Variants in TMC3 observed in about 807,000 individuals in gnomAD.
TMC3 encodes the protein transmembrane channel like 3, also known as transmembrane channel-like protein 3.
A neutral mutation model predicts 110.6 loss-of-function variants in TMC3; 98 were observed. The ratio of observed to expected loss-of-function variants is 0.89; its 90% CI spans 0.75 to 1.05. The LOEUF (loss-of-function observed/expected upper bound fraction) is 1.05. TMC3 is among the 50% of genes least tolerant of loss of function. The pLI, the probability that TMC3 is intolerant of heterozygous loss-of-function variation, is 0.00. For synonymous variants in TMC3, 489 were observed against 513.1 expected (o/e 0.95, Z 0.63); for missense variants, 1,319 against 1,373.2 (o/e 0.96, Z 0.62).
intron 12 of TMC3, 42 bp from the exon 13 acceptor site, chr15:81,345,053 A>G: frequency 1.9e-6 from 3 of 1,544,748 alleles, no homozygotes; most frequent in Non-Finnish European, 2.6e-6. Context: ...CAGGGGAGAA[A>G]GGAAAATGGC....
intron 1 of TMC3, 109 bp downstream of exon 1, chr15:81,373,880 G>A (rs1596101425): frequency 9.7e-7 from 1 of 1,034,420 alleles, no homozygotes; most frequent in East Asian, 2.7e-5. Context: ...AGTTCATTCT[G>A]AAGGACAACT....
At chr15:81,361,709 T>G (rs1226516398) in intron 4 of TMC3, among the ~76,000 whole-genome samples, 1 of 152,230 alleles carries the variant, frequency 6.6e-6, no homozygotes, top group Non-Finnish European at 1.5e-5. Flanking sequence ...ACAAGACTTT[T>G]CTATCCTGTG....
chr15:81,369,349 G>A (rs781236703), intron 2 of TMC3, among the ~76,000 whole-genome samples: 28 of 151,788 alleles, frequency 1.8e-4, no homozygotes, highest in Admixed American at 7.2e-4. Context: ...CCATTGCAAC[G>A]TCTCCATCTT....
intron 2 of TMC3, among the ~76,000 whole-genome samples, chr15:81,370,587 C>T (rs1332931211): frequency 6.6e-6 from 1 of 152,068 alleles, no homozygotes; most frequent in Non-Finnish European, 1.5e-5. Flanking sequence ...GCTGTCCCCT[C>T]AAAGTTAAAG....
At chr15:81,358,582 T>C in intron 5 of TMC3, 82 bp from the exon 6 acceptor site, 1 of 1,125,820 alleles carries the variant, frequency 8.9e-7, no homozygotes, top group Middle Eastern at 2.1e-4. Context: ...CTCCATGTGC[T>C]TGTGAAAATG....
chr15:81,346,420 T>G lies in TMC3; in HGVS notation c.1217A>C (p.Asn406Thr), dbSNP rs766646323. 5 of 1,613,472 alleles carry G rather than the reference T, an allele frequency of 3.1e-6. No individual in the cohort carries two copies. In the Admixed American group the frequency reaches 6.7e-5, roughly 22 times the overall value. Residue 406 changes from asparagine (N) to threonine (T), a missense_variant, in exon 12 of 22, where the codon AAT (asparagine) becomes ACT (threonine). Transcript: ENST00000359440. ...GAGAGCAATGATCAGGCTGTAGAGA[T>G]TTCCCAAATACAGCACAAGGACCCT... ...LARVLVLYLG[N>T]LYSLIIALLD...
At chr15:81,345,901 C>A (rs750965887) in intron 12 of TMC3, among the ~76,000 whole-genome samples, 36 of 151,870 alleles carry the variant, frequency 2.4e-4, no homozygotes, top group Non-Finnish European at 4.4e-4. Context: ...AAAAGGTGGA[C>A]ACCAAAGCTA....
chr15:81,337,577 G>C, intron 19 of TMC3: 1 of 548,212 alleles, frequency 1.8e-6, no homozygotes, highest in Non-Finnish European at 3.3e-6. Flanking sequence ...TGGTCACAGG[G>C]TGGGCACTGA....
rs536477892 is a variant in TMC3 at position 81,337,892 on chromosome 15, C to T, written c.2114G>A (p.Arg705Gln). ...CTGGTGGTTGCTGAGCTTTAGAGAC[C>T]GTGCGATGCTCTGGAGATAATAGAT... ...MLIYYLQSIARSLKLSNHQLK... is the reference protein window; with the variant it reads ...MLIYYLQSIAQSLKLSNHQLK... Residue 705 changes from arginine to glutamine, a missense_variant, in exon 19 of 22, where the codon CGG becomes CAG. Physicochemically the swap from Arg to Gln is conservative, Grantham distance 43 (BLOSUM62 1). Transcript: ENST00000359440. 3.0e-5 allele frequency: 48 copies of T among 1,613,858 alleles called. 1 individual carries two copies. In the South Asian group the frequency reaches 4.1e-4, roughly 14 times the overall value.
chr15:81,349,654 T>C, intron 10 of TMC3, 87 bp from the exon 11 acceptor site: 1 of 721,016 alleles, frequency 1.4e-6, no homozygotes, highest in Non-Finnish European at 2.0e-6. Flanking sequence ...TTCCCTAATA[T>C]TGGATCAGTG....
At chr15:81,369,287 C>G (rs1377459059) in intron 2 of TMC3, among the ~76,000 whole-genome samples, 2 of 152,084 alleles carry the variant, frequency 1.3e-5, no homozygotes, top group Non-Finnish European at 2.9e-5. Context: ...ACAGGATGAT[C>G]TCTCCAAAAC....
intron 20 of TMC3, chr15:81,335,808 G>C (rs766440218): frequency 6.6e-6 from 1 of 152,216 alleles, no homozygotes; most frequent in Non-Finnish European, 1.5e-5. Context: ...TCGAGCTGCC[G>C]TTGCCCACTT....
rs781048063 is a variant in TMC3 at position 81,339,383 on chromosome 15, A to G, written c.1955+11T>C. The G allele has an allele frequency of 1.9e-6, 3 of 1,596,500 alleles. No individual in the cohort carries two copies. Among genetic ancestry groups the G allele is most frequent in the Non-Finnish European group, 8.6e-7 (1 of 1,168,610 alleles). On this transcript the variant is annotated intron_variant, in intron 17 of 21. Transcript: ENST00000359440. ...TCAGTCACTCCGGGCAGAGCTGGGA[A>G]CGAAACTTACCTGAATGGCCCACAG...
At chr15:81,365,444 G>A (rs550642733) in intron 3 of TMC3, among the ~76,000 whole-genome samples, 6 of 152,202 alleles carry the variant, frequency 3.9e-5, no homozygotes, top group South Asian at 2.1e-4. Flanking sequence ...AGGCTGAAGC[G>A]GGCAGATCAC....
chr15:81,369,892 C>G (rs1474070575), intron 2 of TMC3, among the ~76,000 whole-genome samples: 1 of 152,208 alleles, frequency 6.6e-6, no homozygotes, highest in African/African-American at 2.4e-5. Flanking sequence ...AGCCACTGCA[C>G]TCCAGCCTGG....
rs1158202774 is a variant in TMC3 at position 81,344,004 on chromosome 15, C to T, written c.1560G>A (p.Val520=). The part of the protein sequence containing the change: ...KLSIIDMLFT[V]ASILLIDFFR... ...AGAAGTCTATGAGCAGAATGCTCGCCACGGTGAAGAGCATGTCAATGATGG... is the reference window on the plus strand; with the variant it reads ...AGAAGTCTATGAGCAGAATGCTCGCTACGGTGAAGAGCATGTCAATGATGG... The change falls in exon 14 of 22, where the codon GTG becomes GTA. Residue 520 remains valine, a synonymous_variant. Transcript: ENST00000359440. 2.5e-6 allele frequency: 4 copies of T among 1,612,744 alleles called. No homozygotes were observed. Among genetic ancestry groups the T allele is most frequent in the Non-Finnish European group, 3.4e-6 (4 of 1,179,460 alleles).
chr15:81,343,410 T>C, intron 14 of TMC3, 65 bp from the exon 15 acceptor site: 1 of 1,023,404 alleles, frequency 9.8e-7, no homozygotes, highest in Non-Finnish European at 1.6e-6. Context: ...ACCAATTAAT[T>C]ACAGACACCT....
At position 81,358,310 on chromosome 15, in the gene TMC3, G is replaced by A; in HGVS notation, c.601-19C>T. 6.3e-7 allele frequency: 1 copy of A among 1,599,996 alleles called. No homozygotes were observed. The highest frequency in any genetic ancestry group is 1.1e-5 in the South Asian group (1 of 89,310). Reference sequence around the variant, plus strand: ...GGTAGCCCTGCAAAGAAAACACTCAGTGTCATTTCTGCTTCCCGTTCCCAG... The same window carrying A: ...GGTAGCCCTGCAAAGAAAACACTCAATGTCATTTCTGCTTCCCGTTCCCAG... On this transcript the variant is annotated intron_variant, in intron 6 of 21. Transcript: ENST00000359440.
Position 81,351,838 on chromosome 15 carries a change from T to C in TMC3, c.939A>G (p.Ala313=). The part of the protein sequence containing the change: ...EQEKKKSKNL[A]VTICLRIIAN... ...CAATAATCCTCAGGCAGATGGTCAC[T>C]GCCCTGGGGAGAGAAACAGGCATGA... Residue 313 remains alanine, a synonymous_variant, in exon 10 of 22, where the codon GCA becomes GCG. Transcript: ENST00000359440. 6.2e-7 allele frequency: 1 copy of C among 1,612,178 alleles called. No individual in the cohort carries two copies. The highest frequency in any genetic ancestry group is 2.2e-5 in the East Asian group (1 of 44,804).
Sources: allele counts gnomAD v4.1 joint callset (sites outside exome capture counted in the v4.1 genomes callset), GRCh38; gene constraint gnomAD v4.1.1; transcripts MANE v1.5; gene names NCBI Gene and HGNC (gene_info 2026-07-23, HGNC 2026-07-21).